MYORG: variants seen among roughly 807,000 people sequenced by gnomAD.
MYORG encodes the protein myogenesis regulating glycosidase, also known as alpha-galactosidase MYORG.
A neutral mutation model predicts 49.8 loss-of-function variants in MYORG; 45 were observed. The ratio of observed to expected loss-of-function variants is 0.90; its 90% confidence interval spans 0.71 to 1.16. MYORG has a LOEUF of 1.16. Among genes scored for constraint, MYORG ranks in the 50% most tolerant of loss-of-function variants. The pLI is 0.00. For synonymous variants in MYORG, 552 were observed against 462.9 expected (o/e 1.19, Z -2.47); for missense variants, 1,110 against 1,026.5 (o/e 1.08, Z -1.11).
In MYORG at chr9:34,366,820, C is replaced by T. The variant is rs908236879; in HGVS notation, c.*3979G>A. The T allele has an allele frequency of 2.6e-5, 4 of 152,086 alleles. No individual in the cohort carries two copies. Among genetic ancestry groups the T allele is most frequent in the African/African-American group, 9.7e-5 (4 of 41,400 alleles). 9.4% of individuals were successfully genotyped at this position (152,086 alleles called of 1,614,324 possible). Reference sequence around the variant, plus strand: ...ACAGAGGCTTAGCAAGGTTAAGCGGCTTGTTCAAGGTCACAGAGCTGGTAG... The same window carrying T: ...ACAGAGGCTTAGCAAGGTTAAGCGGTTTGTTCAAGGTCACAGAGCTGGTAG... On this transcript the variant is annotated 3_prime_UTR_variant, in exon 2 of 2. Coordinates refer to ENST00000297625, the MANE Select transcript of MYORG (RefSeq NM_020702.5).
At position 34,370,728 on chromosome 9, in the gene MYORG, G is replaced by A. The variant is rs1347416839; in HGVS notation, c.*71C>T. On this transcript the variant is annotated 3_prime_UTR_variant, in exon 2 of 2. Transcript: ENST00000297625. ...TGGGAGGTTCCTGGGAGTACATGGTGCGGGTGTGACGGAGGGTTCAAGGTC... is the reference window on the plus strand; with the variant it reads ...TGGGAGGTTCCTGGGAGTACATGGTACGGGTGTGACGGAGGGTTCAAGGTC... 2.0e-6 allele frequency: 3 copies of A among 1,474,824 alleles called. No individual in the cohort carries two copies. The highest frequency in any genetic ancestry group is 1.9e-4 in the Middle Eastern group (1 of 5,340). 91.4% of individuals were successfully genotyped at this position (1,474,824 alleles called of 1,614,324 possible).
Position 34,371,781 on chromosome 9 carries a change from G to A in MYORG, c.1163C>T (p.Thr388Met), listed in dbSNP as rs1820606369. 6.2e-7 allele frequency: 1 copy of A among 1,613,922 alleles called. No homozygotes were observed. The highest frequency in any genetic ancestry group is 1.1e-5 in the South Asian group (1 of 91,078). The change falls in exon 2 of 2, where the codon ACG becomes ATG. Residue 388 changes from threonine to methionine, a missense_variant. Thr to Met is a moderately conservative substitution (Grantham distance 81). Coordinates refer to ENST00000297625, the MANE Select transcript of MYORG (RefSeq NM_020702.5). ...RRLRDAGFRV[T>M]LWVHPFVNYN... ...GTTGACAAAAGGGTGCACCCAGAGC[G>A]TGACGCGGAAGCCGGCGTCGCGCAG...
Position 34,373,110 on chromosome 9 carries a change from T to C in MYORG, c.-63-104A>G, listed in dbSNP as rs1262149325. 4.9e-6 allele frequency: 4 copies of C among 820,290 alleles called. No homozygotes were observed. The East Asian group carries it at 1.0e-4, about 21-fold the overall frequency. The allele number at this position is 820,290 out of a possible 1,614,324, so 50.8% of individuals were successfully genotyped here. A position where few individuals can be genotyped will look rare whatever the true frequency, so the allele number is the denominator to read the frequency against. On this transcript the variant is annotated intron_variant, in intron 1 of 1. Coordinates refer to ENST00000297625, the MANE Select transcript of MYORG (RefSeq NM_020702.5). ...GTGTATACTTTGGGAAGATGAATACTGGAACCTGAGGGCTTGAAGAGTGGC... is the reference window on the plus strand; with the variant it reads ...GTGTATACTTTGGGAAGATGAATACCGGAACCTGAGGGCTTGAAGAGTGGC...
rs956467734 is a variant in MYORG, at chr9:34,371,360, G to A, written c.1584C>T (p.Asp528=). 1 of 1,613,130 alleles carries A rather than the reference G, an allele frequency of 6.2e-7. No individual in the cohort carries two copies. ...CGGGGATGAGTGAGCGCAACCCCAG[G>A]TCGTAGCCCCACACAGAGTCGCGAT... ...LVDRDSVWGY[D]LGLRSLIPAV... Residue 528 remains aspartate, a synonymous_variant, in exon 2 of 2, where the codon GAC becomes GAT. Transcript: ENST00000297625.
In MYORG at chr9:34,370,353, G is replaced by C. The variant is rs1430497139; in HGVS notation, c.*446C>G. The C allele has an allele frequency of 1.3e-5, 2 of 157,332 alleles. 1 individual carries two copies. The highest frequency in any genetic ancestry group is 2.8e-5 in the Non-Finnish European group (2 of 71,226). 9.7% of individuals were successfully genotyped at this position (157,332 alleles called of 1,614,324 possible). On this transcript the variant is annotated 3_prime_UTR_variant, in exon 2 of 2. Transcript: ENST00000297625. ...AACACTAAGAAAACACACGTTCTAA[G>C]TGTGGTGGGGGCTATTTGGAGACCT...
At position 34,372,260 on chromosome 9, in the gene MYORG, G is replaced by A; in HGVS notation, c.684C>T (p.Tyr228=). The A allele has an allele frequency of 1.2e-6, 2 of 1,610,836 alleles. No homozygotes were observed. Among genetic ancestry groups the A allele is most frequent in the Non-Finnish European group, 1.7e-6 (2 of 1,179,050 alleles). ...DAAFGGILER[Y]WLSSRAAAIK... ...TGGCGGCCGCGCGCGAAGATAGCCA[G>A]TAGCGCTCGAGGATGCCCCCAAACG... The change falls in exon 2 of 2, where the codon TAC becomes TAT. Residue 228 remains tyrosine, a synonymous_variant. Transcript: ENST00000297625.
Position 34,371,958 on chromosome 9 carries a change from T to C in MYORG, c.986A>G (p.Asp329Gly), listed in dbSNP as rs1374130628. The change falls in exon 2 of 2, where the codon GAC becomes GGC. Residue 329 changes from aspartate (D) to glycine (G), a missense_variant. Physicochemically the swap from Asp to Gly is moderately conservative, Grantham distance 94. Coordinates refer to ENST00000297625, the MANE Select transcript of MYORG (RefSeq NM_020702.5). ...GGCAAAACGCAGCACCTTGTCCTGG[T>C]CCACGGCGCGCCCGTACAGCGCCCA... ...STWALYGRAV[D>G]QDKVLRFAQQ... 2 of 1,613,882 alleles carry C rather than the reference T, an allele frequency of 1.2e-6. No individual in the cohort carries two copies. Among genetic ancestry groups the C allele is most frequent in the African/African-American group, 1.3e-5 (1 of 74,926 alleles).
intron 1 of MYORG, among the ~76,000 whole-genome samples, chr9:34,374,063 T>G (rs1004738686): frequency 1.3e-5 from 2 of 152,170 alleles, no homozygotes; most frequent in Non-Finnish European, 2.9e-5. Flanking sequence ...CCAAATCCAT[T>G]TCCATGCCTG....
rs1588004465 is a variant in MYORG at position 34,372,158 on chromosome 9, G to C, written c.786C>G (p.Tyr262Ter). 1 of 1,611,038 alleles carries C rather than the reference G, an allele frequency of 6.2e-7. No individual in the cohort carries two copies. The highest frequency in any genetic ancestry group is 8.5e-7 in the Non-Finnish European group (1 of 1,179,374). ...CGGGTGGCTTGTAGGGCGTGTCGTG[G>C]TAGCGCGCCTGAAGCCGCAGCGAGC... The part of the protein sequence containing the change: ...TERSLRLQAR[Y>*]HDTPYKPPAG... The change falls in exon 2 of 2, where the codon TAC becomes TAG. Residue 262 changes from tyrosine (Y) to a stop codon, truncating the protein, a stop_gained. Coordinates refer to ENST00000297625, the MANE Select transcript of MYORG (RefSeq NM_020702.5). LOFTEE classifies it high-confidence loss of function.
intron 1 of MYORG, among the ~76,000 whole-genome samples, chr9:34,374,182 G>GT (rs1388868590): frequency 1.3e-5 from 2 of 152,112 alleles, no homozygotes; most frequent in African/African-American, 4.8e-5. Context: ...CTTCTCCCCT[G>GT]TATTACCAAA....
chr9:34,375,959 T>A (rs1266049547), intron 1 of MYORG, among the ~76,000 whole-genome samples: 1 of 152,170 alleles, frequency 6.6e-6, no homozygotes, highest in Non-Finnish European at 1.5e-5. Flanking sequence ...AAAAGGAACT[T>A]GTCTGAAGTT....
chr9:34,376,483 T>A lies in MYORG; in HGVS notation c.-64+310A>T, dbSNP rs960292137. Among the ~76,000 whole-genome samples, 3 of 152,040 alleles carry A rather than the reference T, an allele frequency of 2.0e-5. No individual in the cohort carries two copies. The highest frequency in any genetic ancestry group is 7.2e-5 in the African/African-American group (3 of 41,396). On this transcript the variant is annotated intron_variant, in intron 1 of 1. Coordinates refer to ENST00000297625, the MANE Select transcript of MYORG (RefSeq NM_020702.5). This position sits in a 1 kb window ranked among gnomAD's most constrained non-coding sequence, Gnocchi z 4.4. The stretch of plus-strand genomic sequence containing the variant: ...TAGTTGGACACAGTTCCCGGGGGGA[T>A]GGAAATGTCAAAGGCAACTCGATCC...
chr9:34,369,513 C>A lies in MYORG; in HGVS notation c.*1286G>T, dbSNP rs1267242022. ...CTGGCCAACATGGTAAACCCCATCT[C>A]TACTAAAAAATACAAAAAGCCAGGC... is the stretch of plus-strand genomic sequence containing the variant. On this transcript the variant is annotated 3_prime_UTR_variant, in exon 2 of 2. Transcript: ENST00000297625. 3 of 152,128 alleles carry A rather than the reference C, an allele frequency of 2.0e-5. No individual in the cohort carries two copies. Among genetic ancestry groups the A allele is most frequent in the Non-Finnish European group, 4.4e-5 (3 of 68,100 alleles). 9.4% of individuals were successfully genotyped at this position (152,128 alleles called of 1,614,324 possible). A position where few individuals can be genotyped will look rare whatever the true frequency, so the allele number is the denominator to read the frequency against.
chr9:34,372,438 C>T lies in MYORG; in HGVS notation c.506G>A (p.Gly169Asp), dbSNP rs1442564011. Residue 169 changes from glycine to aspartate, a missense_variant, in exon 2 of 2, where the codon GGC (glycine) becomes GAC (aspartate). Gly to Asp is a moderately conservative substitution (Grantham distance 94, BLOSUM62 -1). Coordinates refer to ENST00000297625, the MANE Select transcript of MYORG (RefSeq NM_020702.5). The part of the protein sequence containing the change: ...YRVRWEEAAP[G>D]RAVEHAMFLG... ...GAACATGGCGTGCTCCACGGCCCGG[C>T]CCGGCGCTGCCTCCTCCCAGCGCAC... is the stretch of plus-strand genomic sequence containing the variant. The T allele has an allele frequency of 1.9e-6, 3 of 1,579,754 alleles. No homozygotes were observed. The highest frequency in any genetic ancestry group is 2.3e-5 in the East Asian group (1 of 42,674).
Position 34,376,810 on chromosome 9 carries a change from C to T in MYORG, c.-81G>A, listed in dbSNP as rs1264201682. 2 of 152,190 alleles carry T rather than the reference C, an allele frequency of 1.3e-5. No homozygotes were observed. Among genetic ancestry groups the T allele is most frequent in the Non-Finnish European group, 2.9e-5 (2 of 68,044 alleles). The allele number at this position is 152,190 out of a possible 1,614,324, so 9.4% of individuals were successfully genotyped here. A position where few individuals can be genotyped will look rare whatever the true frequency, so the allele number is the denominator to read the frequency against. ...GGGCTCACCCATTGCAGTTACAGCC[C>T]GGCAGAAGCGGGGGTGAAAGAGCTT... On this transcript the variant is annotated 5_prime_UTR_variant, in exon 1 of 2. Coordinates refer to ENST00000297625, the MANE Select transcript of MYORG (RefSeq NM_020702.5). The surrounding 1 kb of genome is among the most constrained non-coding windows in gnomAD (Gnocchi z 4.4).
At position 34,367,208 on chromosome 9, in the gene MYORG, A is replaced by G. The variant is rs967059133; in HGVS notation, c.*3591T>C. ...CAGTATGGGAGAAACTGCCCCTATG[A>G]TTCAATTATCTCCCACCAGGTCCCT... On this transcript the variant is annotated 3_prime_UTR_variant, in exon 2 of 2. Coordinates refer to ENST00000297625, the MANE Select transcript of MYORG (RefSeq NM_020702.5). The G allele has an allele frequency of 6.6e-6, 1 of 152,128 alleles. No homozygotes were observed. The highest frequency in any genetic ancestry group is 2.4e-5 in the African/African-American group (1 of 41,426). 9.4% of individuals were successfully genotyped at this position (152,128 alleles called of 1,614,324 possible).
rs1234059402 is a variant in MYORG, at chr9:34,369,703, CCTGT to C, written c.*1092_*1095del. 2.6e-5 allele frequency: 4 copies of C among 152,972 alleles called. No homozygotes were observed. The highest frequency in any genetic ancestry group is 5.8e-5 in the Non-Finnish European group (4 of 68,682). The allele number at this position is 152,972 out of a possible 1,614,324, so 9.5% of individuals were successfully genotyped here. A position where few individuals can be genotyped will look rare whatever the true frequency, so the allele number is the denominator to read the frequency against. On this transcript the variant is annotated 3_prime_UTR_variant, in exon 2 of 2. Transcript: ENST00000297625. Reference sequence around the variant, plus strand: ...AAATGGCTGAGATGAAAGACCTTCCCCTGTCTGTTTATTGGTAGTTGTCAGTGTG... The same window carrying C: ...AAATGGCTGAGATGAAAGACCTTCCCCTGTTTATTGGTAGTTGTCAGTGTG...
At position 34,371,616 on chromosome 9, in the gene MYORG, C is replaced by T. The variant is rs868530644; in HGVS notation, c.1328G>A (p.Trp443Ter). 20 of 1,605,794 alleles carry T rather than the reference C, an allele frequency of 1.2e-5. No homozygotes were observed. Among genetic ancestry groups the T allele is most frequent in the Non-Finnish European group, 1.7e-5 (20 of 1,177,952 alleles). ...LDFTHPKARD[W>*]FQGHLRRLRS... ...CAGCCGCCGCAGGTGTCCCTGGAAC[C>T]AGTCGCGGGCCTTTGGGTGCGTGAA... Residue 443 changes from tryptophan to a stop codon, truncating the protein, a stop_gained, in exon 2 of 2, where the codon TGG becomes TAG. Coordinates refer to ENST00000297625, the MANE Select transcript of MYORG (RefSeq NM_020702.5). LOFTEE classifies it high-confidence loss of function.
At position 34,367,072 on chromosome 9, in the gene MYORG, CA is replaced by C; in HGVS notation, c.*3726del. 6.6e-6 allele frequency: 1 copy of C among 152,346 alleles called. No homozygotes were observed. The highest frequency in any genetic ancestry group is 1.5e-5 in the Non-Finnish European group (1 of 68,124). 9.4% of individuals were successfully genotyped at this position (152,346 alleles called of 1,614,324 possible). A position where few individuals can be genotyped will look rare whatever the true frequency, so the allele number is the denominator to read the frequency against. ...GAGGCCTCACAATCATGGTGGAAGG[CA>C]AAAGGCACATCTTACATGGCAGCAG... On this transcript the variant is annotated 3_prime_UTR_variant, in exon 2 of 2. Transcript: ENST00000297625.
Sources: gnomAD v4.1 joint callset for allele counts (sites outside exome capture counted in the v4.1 genomes callset) on GRCh38, gnomAD v4.1.1 for gene constraint, Gnocchi (gnomAD v3.1) non-coding constraint, MANE v1.5 for transcripts, NCBI Gene and HGNC (gene_info 2026-07-23, HGNC 2026-07-21) for gene names.